The following SNX29 variants were observed in gnomAD, a reference collection of about 807,000 sequenced individuals.
SNX29 encodes sorting nexin-29.
In SNX29, 78 loss-of-function variants were observed where a neutral mutation model predicts 102.1. That is an observed-to-expected ratio of 0.76 (90% confidence interval 0.64 to 0.92). SNX29 has a LOEUF of 0.92. Among genes scored for constraint, SNX29 ranks in the 40% least tolerant of loss-of-function variants. SNX29 has a pLI of 0.00. For missense variants in SNX29, 1,280 were observed against 1,061.7 expected (o/e 1.21, Z -2.86); for synonymous variants, 580 against 414.5 (o/e 1.40, Z -4.85).
intron 19 of SNX29, among the ~76,000 whole-genome samples, chr16:12,494,101 G>A (rs1359846844): frequency 6.6e-6 from 1 of 152,152 alleles, no homozygotes; most frequent in African/African-American, 2.4e-5. Flanking sequence ...AGCTCCCAGT[G>A]CTATGCGAGG....
At chr16:12,546,650 CAAG>C (rs1026455712) in intron 20 of SNX29, 7 of 152,244 alleles carry the variant, frequency 4.6e-5, no homozygotes, top group South Asian at 2.1e-4. Flanking sequence ...AAACAATTAC[CAAG>C]AAGAGTGGAT....
At chr16:12,512,968 G>T (rs958355904) in intron 19 of SNX29, among the ~76,000 whole-genome samples, 1 of 152,040 alleles carries the variant, frequency 6.6e-6, no homozygotes, top group South Asian at 2.1e-4. Flanking sequence ...TGAAAGAGTC[G>T]ATGGGGCCTT....
intron 8 of SNX29, among the ~76,000 whole-genome samples, chr16:12,061,059 C>G (rs1449610078): frequency 1.3e-5 from 2 of 152,166 alleles, no homozygotes; most frequent in African/African-American, 4.8e-5. Flanking sequence ...TCCCCTTCCC[C>G]AAGCCTTTGT....
At chr16:12,456,952 G>C (rs555286228) in intron 18 of SNX29, among the ~76,000 whole-genome samples, 1 of 152,290 alleles carries the variant, frequency 6.6e-6, no homozygotes, top group South Asian at 2.1e-4. Context: ...GTGCATCTCA[G>C]GACCAAAGCA....
chr16:12,393,268 CTTTT>C (rs1290093183), intron 16 of SNX29, among the ~76,000 whole-genome samples: 1 of 152,046 alleles, frequency 6.6e-6, no homozygotes, highest in Non-Finnish European at 1.5e-5. Context: ...TTCTTTGGTT[CTTTT>C]TTTGTCTCCA....
chr16:12,441,032 C>T (rs1408465436), intron 18 of SNX29, among the ~76,000 whole-genome samples: 4 of 151,026 alleles, frequency 2.6e-5, no homozygotes, highest in Non-Finnish European at 4.4e-5. Flanking sequence ...GCTTCTTTCA[C>T]TTAGCGTAAT....
chr16:12,284,677 T>A (rs2079537284), intron 15 of SNX29, among the ~76,000 whole-genome samples: 1 of 152,230 alleles, frequency 6.6e-6, no homozygotes, highest in Non-Finnish European at 1.5e-5. Flanking sequence ...AGACTCTAAT[T>A]GTTTTCTGTG....
chr16:12,312,852 C>T (rs1282352607), intron 15 of SNX29, among the ~76,000 whole-genome samples: 1 of 152,074 alleles, frequency 6.6e-6, no homozygotes, highest in Non-Finnish European at 1.5e-5. Context: ...TGTGACCATT[C>T]TAAAACAACC....
At chr16:12,142,906 G>C (rs1021975783) in intron 13 of SNX29, among the ~76,000 whole-genome samples, 2 of 151,946 alleles carry the variant, frequency 1.3e-5, no homozygotes, top group African/African-American at 4.8e-5. Flanking sequence ...TTACTGTTCC[G>C]TGTGAAGCTT....
rs564848195 is a variant in SNX29 at position 12,224,429 on chromosome 16, G to A, written c.1678+24746G>A. 2.2e-4 allele frequency among the ~76,000 whole-genome samples: 34 copies of A among 152,326 alleles called. No individual in the cohort carries two copies. In the South Asian group the frequency reaches 6.6e-3, roughly 30 times the overall value. On this transcript the variant is annotated intron_variant, in intron 14 of 20. Coordinates refer to ENST00000566228, the MANE Select transcript of SNX29 (RefSeq NM_032167.5). ...CTCCCCCTGGGGCTCCCAGCCTGGA[G>A]AGGAGGGAGTGGTGACTACACCACA...
At chr16:12,425,350 G>C (rs1236420804) in intron 18 of SNX29, among the ~76,000 whole-genome samples, 1 of 151,924 alleles carries the variant, frequency 6.6e-6, no homozygotes, top group Non-Finnish European at 1.5e-5. Context: ...TAGCTCAACA[G>C]ATGCCATAAG....
At position 12,570,407 on chromosome 16, in the gene SNX29, G is replaced by A. The variant is rs150122382; in HGVS notation, c.*1778G>A. ...AATTCCAAGGCCAGAGTGCACATCA[G>A]CTCACATGACTGGCAACTCTAAATA... On this transcript the variant is annotated 3_prime_UTR_variant, in exon 21 of 21. Coordinates refer to ENST00000566228, the MANE Select transcript of SNX29 (RefSeq NM_032167.5). 93 of 287,190 alleles carry A rather than the reference G, an allele frequency of 3.2e-4. No individual in the cohort carries two copies. The highest frequency in any genetic ancestry group is 5.0e-4 in the Non-Finnish European group (83 of 167,568). 17.8% of individuals were successfully genotyped at this position (287,190 alleles called of 1,614,324 possible).
rs529435539 is a variant in SNX29, at chr16:12,529,913, A to T, written c.2318+5072A>T. Among the ~76,000 whole-genome samples, 10 of 152,070 alleles carry T rather than the reference A, an allele frequency of 6.6e-5. No homozygotes were observed. In the South Asian group the frequency reaches 2.1e-3, roughly 32 times the overall value. On this transcript the variant is annotated intron_variant, in intron 20 of 20. Coordinates refer to ENST00000566228, the MANE Select transcript of SNX29 (RefSeq NM_032167.5). ...TTGTGGACTGGCCAGAACCTTCCAG[A>T]CTCCAAAGTCCTCAGCGTTACCCAG...
At chr16:12,229,061 C>T (rs973062840) in intron 14 of SNX29, among the ~76,000 whole-genome samples, 2 of 152,252 alleles carry the variant, frequency 1.3e-5, no homozygotes, top group Non-Finnish European at 2.9e-5. Context: ...TTGCCACCTC[C>T]TCAGAGAGCC....
chr16:12,396,248 A>G (rs2083716867), intron 16 of SNX29, among the ~76,000 whole-genome samples: 1 of 152,192 alleles, frequency 6.6e-6, no homozygotes, highest in African/African-American at 2.4e-5. Flanking sequence ...CGATAATTGT[A>G]GAGTAATGTC....
At chr16:12,522,820 A>G (rs1287696030) in intron 19 of SNX29, among the ~76,000 whole-genome samples, 1 of 152,156 alleles carries the variant, frequency 6.6e-6, no homozygotes, top group East Asian at 1.9e-4. Flanking sequence ...CAGTGTGAGA[A>G]TGGACTAATA....
intron 14 of SNX29, among the ~76,000 whole-genome samples, chr16:12,232,060 G>A (rs2077786202): frequency 6.6e-6 from 1 of 152,098 alleles, no homozygotes; most frequent in African/African-American, 2.4e-5. Context: ...GAATTGTCCT[G>A]CCCTTCTGGT....
chr16:12,018,328 A>G (rs1486755511), intron 3 of SNX29, among the ~76,000 whole-genome samples: 2 of 151,980 alleles, frequency 1.3e-5, no homozygotes, highest in African/African-American at 4.8e-5. Flanking sequence ...CTGTAGTCCT[A>G]GCACTTTGGG....
In SNX29 at chr16:12,377,689, G is replaced by T. The variant is rs1872870960; in HGVS notation, c.1900-20757G>T. Among the ~76,000 whole-genome samples, 3 of 152,146 alleles carry T rather than the reference G, an allele frequency of 2.0e-5. No individual in the cohort carries two copies. In the South Asian group the frequency reaches 6.2e-4, roughly 31 times the overall value. On this transcript the variant is annotated intron_variant, in intron 16 of 20. Transcript: ENST00000566228. ...TGGTGGTTACGGTGGTGATGGGAATGATGCTGATTAGAGAACTAAAGCTTA... is the reference window on the plus strand; with the variant it reads ...TGGTGGTTACGGTGGTGATGGGAATTATGCTGATTAGAGAACTAAAGCTTA...
Sources: gnomAD v4.1 joint callset for allele counts (sites outside exome capture counted in the v4.1 genomes callset) on GRCh38, gnomAD v4.1.1 for gene constraint, MANE v1.5 for transcripts, NCBI Gene and HGNC (gene_info 2026-07-23, HGNC 2026-07-21) for gene names.